Variants in CORO1C observed in about 807,000 individuals in gnomAD.
CORO1C encodes the protein coronin 1C, also known as coronin-1C.
CORO1C carries 14 observed loss-of-function variants against 51.2 expected under a neutral mutation model. The observed-to-expected ratio is 0.27, with a 90% CI of 0.18 to 0.43. The LOEUF is 0.43. CORO1C is among the 20% of genes least tolerant of loss of function. The pLI, the probability that CORO1C is intolerant of heterozygous loss-of-function variation, is 1.00. For missense variants in CORO1C, 417 were observed against 607.8 expected, an observed-to-expected ratio of 0.69 and a Z score of 3.30; for synonymous variants, 181 against 210.5, an observed-to-expected ratio of 0.86 and a Z score of 1.21.
chr12:108,692,070 G>A (rs2034516913), intron 2 of CORO1C, among the ~76,000 whole-genome samples: 1 of 151,366 alleles, frequency 6.6e-6, no homozygotes, highest in Admixed American at 6.6e-5. Flanking sequence ...CACTTCATGT[G>A]GTAATGAGGC....
chr12:108,658,886 C>T lies in CORO1C; in HGVS notation c.482G>A (p.Gly161Glu), dbSNP rs778270031. ...CDNAIIIWNV[G>E]TGEALINLDD... ...CAAGTTTATAAGGGCTTCCCCTGTT[C>T]CCACATTCCAGATGATAATGGCATT... The change falls in exon 5 of 11, where the codon GGA (glycine) becomes GAA (glutamate). Residue 161 changes from glycine to glutamate, a missense_variant. Coordinates refer to ENST00000261401, the MANE Select transcript of CORO1C (RefSeq NM_014325.4). This position sits in a 1 kb window ranked among gnomAD's most constrained non-coding sequence, Gnocchi z 4.9. 4 of 1,612,924 alleles carry T rather than the reference C, an allele frequency of 2.5e-6. No homozygotes were observed. The highest frequency in any genetic ancestry group is 2.2e-5 in the East Asian group (1 of 44,862).
intron 2 of CORO1C, among the ~76,000 whole-genome samples, chr12:108,688,998 T>G (rs1478267085): frequency 7.1e-6 from 1 of 141,020 alleles, no homozygotes; most frequent in Non-Finnish European, 1.5e-5. Flanking sequence ...ACCACTACAC[T>G]CCAGCCTGGG....
chr12:108,648,819 T>C lies in CORO1C; in HGVS notation c.1091A>G (p.Asp364Gly). Residue 364 changes from aspartate to glycine, a missense_variant, in exon 10 of 11, where the codon GAC becomes GGC. Physicochemically the swap from Asp to Gly is moderately conservative, Grantham distance 94. Coordinates refer to ENST00000261401, the MANE Select transcript of CORO1C (RefSeq NM_014325.4). ...CAGCGCGGCCTCTGGCCCCGCTGTGTCAGGATACAGGTCATCTTGGAAAAG... is the reference window on the plus strand; with the variant it reads ...CAGCGCGGCCTCTGGCCCCGCTGTGCCAGGATACAGGTCATCTTGGAAAAG... ...SDLFQDDLYP[D>G]TAGPEAALEA... The C allele has an allele frequency of 6.2e-7, 1 of 1,614,244 alleles. No homozygotes were observed. Among genetic ancestry groups the C allele is most frequent in the Non-Finnish European group, 8.5e-7 (1 of 1,180,042 alleles).
chr12:108,655,819 G>A (rs944313285), intron 6 of CORO1C, among the ~76,000 whole-genome samples: 2 of 152,168 alleles, frequency 1.3e-5, no homozygotes, highest in African/African-American at 4.8e-5. Flanking sequence ...GGGAGGTGAG[G>A]GGCATCTCTG....
At chr12:108,689,200 T>C (rs1288125026) in intron 2 of CORO1C, among the ~76,000 whole-genome samples, 1 of 151,974 alleles carries the variant, frequency 6.6e-6, no homozygotes, top group Non-Finnish European at 1.5e-5. Flanking sequence ...ACTCCATCTC[T>C]GAAAAAACAA....
intron 2 of CORO1C, among the ~76,000 whole-genome samples, chr12:108,687,410 C>T (rs1285935158): frequency 6.6e-6 from 1 of 151,888 alleles, no homozygotes; most frequent in Non-Finnish European, 1.5e-5. Context: ...TCACCTGAGC[C>T]CAGGAGGTCA....
rs531541868 is a variant in CORO1C at position 108,656,585 on chromosome 12, G to A, written c.750+719C>T. Among the ~76,000 whole-genome samples the A allele has an allele frequency of 6.4e-3, 968 of 152,352 alleles. 6 individuals are homozygous for A. The highest frequency in any genetic ancestry group is 1.0e-2 in the Non-Finnish European group (679 of 68,020). Reference sequence around the variant, plus strand: ...CTCATTGAGAACGGGCCATGATGACGATGGCGGTTTTGTGGAATAGAAAAG... The same window carrying A: ...CTCATTGAGAACGGGCCATGATGACAATGGCGGTTTTGTGGAATAGAAAAG... On this transcript the variant is annotated intron_variant, in intron 6 of 10. Transcript: ENST00000261401.
At chr12:108,690,285 AAAAGGAGGTG>A (rs3839976) in intron 2 of CORO1C, among the ~76,000 whole-genome samples, 8,655 of 152,276 alleles carry the variant, frequency 0.057, 502 homozygotes, top group East Asian at 0.31. Context: ...TCCTTGAGGT[AAAAGGAGGTG>A]CTCTGGAATA....
intron 1 of CORO1C, among the ~76,000 whole-genome samples, chr12:108,722,432 G>A (rs1420128803): frequency 6.6e-6 from 1 of 152,162 alleles, no homozygotes; most frequent in Admixed American, 6.5e-5. Context: ...TGAGACCCCT[G>A]GACGCCACAC....
In CORO1C at chr12:108,652,297, C is replaced by G. The variant is rs1444705167; in HGVS notation, c.976G>C (p.Asp326His). 1 of 1,613,802 alleles carries G rather than the reference C, an allele frequency of 6.2e-7. No individual in the cohort carries two copies. Among genetic ancestry groups the G allele is most frequent in the African/African-American group, 1.3e-5 (1 of 74,894 alleles). The change falls in exon 8 of 11, where the codon GAT becomes CAT. Residue 326 changes from aspartate to histidine, a missense_variant. Physicochemically the swap from Asp to His is moderately conservative, Grantham distance 81. Coordinates refer to ENST00000261401, the MANE Select transcript of CORO1C (RefSeq NM_014325.4). ...CTGGCAATCTCACATTTGTTAACAT[C>G]AAGTCCCCTCTTGGGCATGTAACCC... ...GMGYMPKRGL[D>H]VNKCEIARFF...
intron 2 of CORO1C, among the ~76,000 whole-genome samples, chr12:108,683,481 T>C (rs140946141): frequency 6.0e-5 from 5 of 83,038 alleles, no homozygotes; most frequent in Non-Finnish European, 1.0e-4. Context: ...CAAAATCAAC[T>C]AAACTGGATA....
At chr12:108,662,529 A>G (rs368874964) in intron 3 of CORO1C, among the ~76,000 whole-genome samples, 5 of 152,312 alleles carry the variant, frequency 3.3e-5, no homozygotes, top group East Asian at 3.9e-4. Context: ...CAAGGACTAC[A>G]AAACATTTCC....
intron 1 of CORO1C, among the ~76,000 whole-genome samples, chr12:108,716,241 T>G (rs1254227855): frequency 4.0e-5 from 6 of 151,826 alleles, no homozygotes; most frequent in Non-Finnish European, 8.8e-5. Context: ...ACACTGTGTA[T>G]GACAGTTCAA....
intron 3 of CORO1C, among the ~76,000 whole-genome samples, chr12:108,677,697 C>T (rs2033956664): frequency 6.6e-6 from 1 of 152,186 alleles, no homozygotes; most frequent in African/African-American, 2.4e-5. Flanking sequence ...TCCCTAAAAT[C>T]TTCCAACAGA....
intron 1 of CORO1C, among the ~76,000 whole-genome samples, chr12:108,725,038 G>C (rs1029124484): frequency 2.0e-5 from 3 of 152,174 alleles, no homozygotes; most frequent in Non-Finnish European, 4.4e-5. Context: ...TCTTTTGCCA[G>C]GAACTTTCCT....
In CORO1C at chr12:108,702,702, G is replaced by A. The variant is rs2034911216; in HGVS notation, c.-5-1379C>T. 3 of 1,315,874 alleles carry A rather than the reference G, an allele frequency of 2.3e-6. No homozygotes were observed. In the African/African-American group the frequency reaches 4.5e-5, roughly 20 times the overall value. 81.5% of individuals were successfully genotyped at this position (1,315,874 alleles called of 1,614,324 possible). ...TGCCAGACGAGACACATGGTGGGCT[G>A]TTGCTAATTCCTTTCCTCTAATTCC... On this transcript the variant is annotated intron_variant, in intron 1 of 10. Coordinates refer to ENST00000261401, the MANE Select transcript of CORO1C (RefSeq NM_014325.4).
At position 108,675,630 on chromosome 12, in the gene CORO1C, TAGTA is replaced by T. The variant is rs529717905; in HGVS notation, c.318+2638_318+2641del. 3.2e-3 allele frequency among the ~76,000 whole-genome samples: 488 copies of T among 152,310 alleles called. 5 individuals are homozygous for T. Among genetic ancestry groups the T allele is most frequent in the Middle Eastern group, 0.01 (3 of 294 alleles). Reference sequence around the variant, plus strand: ...TGAACTATACTATTTGGTAACTAAATAGTAAGTAAGTGAGGACATTATCTTATAA... The same window carrying T: ...TGAACTATACTATTTGGTAACTAAATAGTAAGTGAGGACATTATCTTATAA... On this transcript the variant is annotated intron_variant, in intron 3 of 10. Transcript: ENST00000261401.
chr12:108,707,476 T>C (rs1057141884), intron 1 of CORO1C, among the ~76,000 whole-genome samples: 4 of 152,222 alleles, frequency 2.6e-5, no homozygotes, highest in South Asian at 4.1e-4. Flanking sequence ...ATACGTAAAA[T>C]AGCTAACTCA....
At chr12:108,716,228 AAC>A (rs1488779310) in intron 1 of CORO1C, among the ~76,000 whole-genome samples, 3 of 152,046 alleles carry the variant, frequency 2.0e-5, no homozygotes, top group African/African-American at 7.2e-5. Context: ...ACTGGTAAAA[AAC>A]ACACTGTGTA....
Sources: allele counts gnomAD v4.1 joint callset (sites outside exome capture counted in the v4.1 genomes callset), GRCh38; gene constraint gnomAD v4.1.1; non-coding constraint Gnocchi (gnomAD v3.1); transcripts MANE v1.5; gene names NCBI Gene and HGNC (gene_info 2026-07-23, HGNC 2026-07-21).